SERINC2: variants seen among roughly 807,000 people sequenced by gnomAD.
The protein encoded by SERINC2 is serine incorporator 2, also known as tumor differentially expressed protein 2.
In SERINC2, 56 loss-of-function variants were observed where a neutral mutation model predicts 54.2. The observed-to-expected ratio is 1.03, with a 90% CI of 0.83 to 1.29. The LOEUF (loss-of-function observed/expected upper bound fraction) is 1.29, where lower values mean the gene tolerates loss of function less well. Ranked by LOEUF, SERINC2 falls within the 50% of genes most tolerant of loss-of-function variation. SERINC2 has a pLI of 0.00. For missense variants in SERINC2, 614 were observed against 607.4 expected, an observed-to-expected ratio of 1.01 and a Z score of -0.12; for synonymous variants, 272 against 253.1, an observed-to-expected ratio of 1.07 and a Z score of -0.71.
chr1:31,434,060 C>T lies in SERINC2; in HGVS notation c.1233-4C>T, dbSNP rs1553135300. On this transcript the variant is annotated splice_polypyrimidine_tract_variant and splice_region_variant and intron_variant, in intron 9 of 9. Coordinates refer to ENST00000373709, the MANE Select transcript of SERINC2 (RefSeq NM_178865.5). ...AGGCTCATGGGGAAGATGGTGTGTT[C>T]CAGGCCCGGTGAGACCCGGAAGATG... The T allele has an allele frequency of 6.2e-7, 1 of 1,613,326 alleles. No homozygotes were observed. The highest frequency in any genetic ancestry group is 1.3e-5 in the African/African-American group (1 of 75,012).
In SERINC2 at chr1:31,424,748, C is replaced by T. The variant is rs2148518771; in HGVS notation, c.267C>T (p.Gly89=). The T allele has an allele frequency of 1.2e-6, 2 of 1,611,040 alleles. No homozygotes were observed. Among genetic ancestry groups the T allele is most frequent in the East Asian group, 2.2e-5 (1 of 44,736 alleles). ...PTVLQGHIDC[G]SLLGYRAVYR... is the part of the protein sequence containing the mutation. ...TCCTGCAGGGCCACATCGACTGTGG[C>T]TCCCTGCTTGGCTACCGCGCTGTCT... The change falls in exon 3 of 10, where the codon GGC becomes GGT. Residue 89 remains glycine (G), a synonymous_variant. Coordinates refer to ENST00000373709, the MANE Select transcript of SERINC2 (RefSeq NM_178865.5).
At chr1:31,431,830 G>A (rs1553134532) in intron 8 of SERINC2, among the ~76,000 whole-genome samples, 27 of 143,642 alleles carry the variant, frequency 1.9e-4, no homozygotes, top group South Asian at 9.0e-4. Flanking sequence ...GGATAGGGTG[G>A]ATAGGGTGGA....
chr1:31,409,948 A>T (rs1640621900), upstream of SERINC2: 1 of 1,175,516 alleles, frequency 8.5e-7, no homozygotes, highest in Admixed American at 2.5e-5. Flanking sequence ...GCCCAGTGAG[A>T]TCAGATTAGA....
rs1412663859 is a variant in SERINC2, at chr1:31,433,022, C to T, written c.1069C>T (p.Pro357Ser). The change falls in exon 9 of 10, where the codon CCA (proline) becomes TCA (serine). Residue 357 changes from proline (P) to serine (S), a missense_variant. Physicochemically the swap from Pro to Ser is moderately conservative, Grantham distance 74. Transcript: ENST00000373709. ...VNSLMQTEEC[P>S]PMLDATQQQQ... ...CAGCCTGATGCAGACCGAGGAGTGC[C>T]CACCTATGCTAGACGCCACACAGCA... 3.1e-6 allele frequency: 5 copies of T among 1,598,758 alleles called. No homozygotes were observed. In the African/African-American group the frequency reaches 4.3e-5, roughly 14 times the overall value.
At position 31,414,655 on chromosome 1, in the gene SERINC2, C is replaced by G. The variant is rs1553132009; in HGVS notation, c.39+1351C>G. 4.1e-6 allele frequency: 4 copies of G among 985,350 alleles called. No homozygotes were observed. The African/African-American group carries it at 7.0e-5, about 17-fold the overall frequency. 61.0% of individuals were successfully genotyped at this position (985,350 alleles called of 1,614,324 possible). ...TGCAGGAGGAGGAATCAAGCTGGTG[C>G]CTGAAATCCCTCCCAGCCCAAAGAA... On this transcript the variant is annotated intron_variant, in intron 1 of 9. Transcript: ENST00000373709.
chr1:31,411,836 C>A (rs910528784), upstream of SERINC2, among the ~76,000 whole-genome samples: 1 of 151,706 alleles, frequency 6.6e-6, no homozygotes, highest in African/African-American at 2.4e-5. Flanking sequence ...CATCTCTACA[C>A]AAAATTTTTA....
intron 1 of SERINC2, chr1:31,414,163 G>C: frequency 7.1e-7 from 1 of 1,406,196 alleles, no homozygotes; most frequent in Non-Finnish European, 9.2e-7. Context: ...TCGCGGGTTC[G>C]GGACCTGTGG....
intron 8 of SERINC2, among the ~76,000 whole-genome samples, chr1:31,432,065 ACAGGG>A (rs1557500899): frequency 2.1e-4 from 27 of 125,988 alleles, no homozygotes; most frequent in Admixed American, 3.1e-4. Flanking sequence ...GACAGGGTGG[ACAGGG>A]TGGACAGGGT....
chr1:31,425,003 G>A, intron 3 of SERINC2, 130 bp downstream of exon 3: 1 of 707,582 alleles, frequency 1.4e-6, no homozygotes, highest in Non-Finnish European at 2.3e-6. Flanking sequence ...ATGGAGAACA[G>A]CTCTGAGTTA....
chr1:31,420,353 C>T (rs1420071389), intron 1 of SERINC2, among the ~76,000 whole-genome samples: 1 of 152,142 alleles, frequency 6.6e-6, no homozygotes, highest in Non-Finnish European at 1.5e-5. Flanking sequence ...GTTTAAGAAC[C>T]AGAGCGAACT....
intron 1 of SERINC2, among the ~76,000 whole-genome samples, chr1:31,422,305 AAAAAAAC>A (rs1640921422): frequency 6.6e-6 from 1 of 151,204 alleles, no homozygotes; most frequent in Non-Finnish European, 1.5e-5. Context: ...TCTCAAAAAA[AAAAAAAC>A]AAAAAAAGAA....
intron 8 of SERINC2, among the ~76,000 whole-genome samples, chr1:31,432,228 T>TGGAGAGGGTGGAG (rs1641317482): frequency 1.5e-5 from 2 of 137,890 alleles, no homozygotes; most frequent in Non-Finnish European, 1.6e-5. Context: ...AGAGGGTGGA[T>TGGAGAGGGTGGAG]AGGGACCCAC....
At chr1:31,414,140 G>A in intron 1 of SERINC2, 1 of 1,417,166 alleles carries the variant, frequency 7.1e-7, no homozygotes, top group Non-Finnish European at 9.2e-7. Context: ...GGGTGTGCGC[G>A]GGGAGTGCCC....
upstream of SERINC2, chr1:31,410,301 A>T: frequency 6.5e-7 from 1 of 1,527,920 alleles, no homozygotes; most frequent in Non-Finnish European, 8.8e-7. Context: ...CCAAGAAATG[A>T]AGCTCTTTAT....
At chr1:31,428,782 AAAG>A (rs1553133967) in intron 6 of SERINC2, among the ~76,000 whole-genome samples, 193 bp from the exon 7 acceptor site, 2 of 151,930 alleles carry the variant, frequency 1.3e-5, no homozygotes, top group Non-Finnish European at 2.9e-5. Context: ...GTGTTAAGAG[AAAG>A]AAGAATTAGG....
chr1:31,412,640 G>A (rs1640670809), upstream of SERINC2, among the ~76,000 whole-genome samples: 5 of 152,180 alleles, frequency 3.3e-5, no homozygotes, highest in South Asian at 1.0e-3. Flanking sequence ...CTGCACTCCA[G>A]CCTGGGTGAC....
chr1:31,424,682 G>A lies in SERINC2; in HGVS notation c.202-1G>A. 4 of 1,592,370 alleles carry A rather than the reference G, an allele frequency of 2.5e-6. No individual in the cohort carries two copies. The highest frequency in any genetic ancestry group is 1.7e-6 in the Non-Finnish European group (2 of 1,169,442). On this transcript the variant is annotated splice_acceptor_variant, in intron 2 of 9. Coordinates refer to ENST00000373709, the MANE Select transcript of SERINC2 (RefSeq NM_178865.5). LOFTEE classifies it high-confidence loss of function. The stretch of plus-strand genomic sequence containing the variant: ...TGACGCTGCTCTGTCTGTCTCCACA[G>A]CTGCCCTGGGTGTGTGAGGAGGGGG...
At chr1:31,417,905 G>A (rs1553132382) in intron 1 of SERINC2, among the ~76,000 whole-genome samples, 2 of 130,572 alleles carry the variant, frequency 1.5e-5, no homozygotes, top group Non-Finnish European at 3.1e-5. Context: ...TGCCCAGGCT[G>A]GAGTGCAATG....
upstream of SERINC2, chr1:31,410,357 G>A (rs529955616): frequency 1.3e-6 from 2 of 1,548,020 alleles, no homozygotes; most frequent in Admixed American, 2.0e-5. Context: ...AGATAGCTGG[G>A]GTAAAAAAAC....
Sources: allele counts gnomAD v4.1 joint callset (sites outside exome capture counted in the v4.1 genomes callset), GRCh38; gene constraint gnomAD v4.1.1; transcripts MANE v1.5; gene names NCBI Gene and HGNC (gene_info 2026-07-23, HGNC 2026-07-21).